Variants in LRRC4C observed in about 807,000 individuals in gnomAD.
LRRC4C encodes leucine rich repeat containing 4C.
Under a neutral mutation model 33.6 loss-of-function variants are expected in LRRC4C, and 5 were observed. That is an observed-to-expected ratio of 0.15 (90% confidence interval 0.08 to 0.31). LRRC4C has a LOEUF of 0.31. LRRC4C is among the 10% of genes least tolerant of loss of function. The pLI, the probability that LRRC4C is intolerant of heterozygous loss-of-function variation, is 1.00. For missense variants in LRRC4C, 560 were observed against 796.7 expected (o/e 0.70, Z 3.58); for synonymous variants, 329 against 302.0 (o/e 1.09, Z -0.93).
intron 1 of LRRC4C, among the ~76,000 whole-genome samples, chr11:41,383,908 A>T (rs555977842): frequency 6.6e-6 from 1 of 152,102 alleles, no homozygotes; most frequent in African/African-American, 2.4e-5. Context: ...CACCAGGAAA[A>T]TATTAACCAA....
At chr11:40,844,882 T>A (rs1378418111) in intron 2 of LRRC4C, among the ~76,000 whole-genome samples, 1 of 152,172 alleles carries the variant, frequency 6.6e-6, no homozygotes, top group Admixed American at 6.6e-5. Context: ...GGATATGTGA[T>A]AATGTATGTG....
intron 1 of LRRC4C, among the ~76,000 whole-genome samples, chr11:41,442,509 G>A (rs1486332594): frequency 9.3e-6 from 1 of 107,118 alleles, no homozygotes; most frequent in Non-Finnish European, 1.7e-5. Flanking sequence ...TTGCTCTGTC[G>A]CCCAGGCTGG....
intron 3 of LRRC4C, among the ~76,000 whole-genome samples, chr11:40,631,218 G>A (rs190516127): frequency 2.0e-5 from 3 of 152,206 alleles, no homozygotes; most frequent in East Asian, 1.9e-4. Context: ...CTCTTATCAC[G>A]GTTAAAAATG....
At chr11:41,266,003 C>A (rs956475341) in intron 1 of LRRC4C, among the ~76,000 whole-genome samples, 4 of 151,912 alleles carry the variant, frequency 2.6e-5, no homozygotes, top group Non-Finnish European at 5.9e-5. Context: ...TTAGTTATAT[C>A]ACATGGTAGC....
At chr11:41,210,354 T>G (rs571669094) in intron 1 of LRRC4C, among the ~76,000 whole-genome samples, 1 of 152,132 alleles carries the variant, frequency 6.6e-6, no homozygotes, top group South Asian at 2.1e-4. Flanking sequence ...CTTGAATAAG[T>G]CTCGCGAGAT....
chr11:41,311,939 C>T (rs79360431), intron 1 of LRRC4C, among the ~76,000 whole-genome samples: 2,234 of 152,230 alleles, frequency 0.015, 57 homozygotes, highest in African/African-American at 0.05. Flanking sequence ...TATTATCCCA[C>T]ATCATCATTA....
At chr11:40,260,403 G>A (rs1867608997) in intron 4 of LRRC4C, among the ~76,000 whole-genome samples, 1 of 146,494 alleles carries the variant, frequency 6.8e-6, no homozygotes, top group African/African-American at 2.5e-5. Flanking sequence ...GGAGACTGTT[G>A]TGGGTTAGGG....
chr11:40,374,220 T>C (rs1426828760), intron 3 of LRRC4C, among the ~76,000 whole-genome samples: 1 of 152,166 alleles, frequency 6.6e-6, no homozygotes, highest in Non-Finnish European at 1.5e-5. Context: ...AGTTGCTAAA[T>C]AGATGTTTGT....
At chr11:40,527,908 C>A (rs1453156406) in intron 3 of LRRC4C, among the ~76,000 whole-genome samples, 1 of 152,038 alleles carries the variant, frequency 6.6e-6, no homozygotes, top group African/African-American at 2.4e-5. Flanking sequence ...ACCATGATGC[C>A]TGGCTAATTT....
intron 3 of LRRC4C, among the ~76,000 whole-genome samples, chr11:40,367,149 T>C (rs1948245413): frequency 6.6e-6 from 1 of 152,130 alleles, no homozygotes. Context: ...TGCCATTGCA[T>C]TTCCAGTGCT....
chr11:40,124,391 T>C (rs1412177410), intron 6 of LRRC4C, among the ~76,000 whole-genome samples: 1 of 152,178 alleles, frequency 6.6e-6, no homozygotes, highest in African/African-American at 2.4e-5. Flanking sequence ...ATATCAAAGA[T>C]TTGGAAGCAA....
intron 3 of LRRC4C, among the ~76,000 whole-genome samples, chr11:40,360,766 C>T (rs1236301136): frequency 3.9e-5 from 6 of 151,980 alleles, no homozygotes; most frequent in South Asian, 4.2e-4. Context: ...AGCATCATCC[C>T]GATATCAAAA....
intron 2 of LRRC4C, among the ~76,000 whole-genome samples, chr11:40,774,917 A>T (rs1228167030): frequency 2.0e-5 from 3 of 152,144 alleles, no homozygotes; most frequent in African/African-American, 7.2e-5. Flanking sequence ...AAGTGCACAA[A>T]TAATTATCTG....
intron 1 of LRRC4C, among the ~76,000 whole-genome samples, chr11:40,987,681 T>TA (rs1565274758): frequency 4.0e-5 from 3 of 74,670 alleles, no homozygotes; most frequent in Non-Finnish European, 7.8e-5. Flanking sequence ...AAATGATATA[T>TA]ATATATATAT....
At chr11:40,369,413 C>G (rs958547517) in intron 3 of LRRC4C, among the ~76,000 whole-genome samples, 17 of 152,064 alleles carry the variant, frequency 1.1e-4, no homozygotes, top group Non-Finnish European at 2.5e-4. Context: ...GGCGCGATCT[C>G]GGAATCACCG....
chr11:40,161,458 T>C (rs1267662270), intron 5 of LRRC4C, among the ~76,000 whole-genome samples: 1 of 152,206 alleles, frequency 6.6e-6, no homozygotes, highest in Non-Finnish European at 1.5e-5. Context: ...AGGAGTTATT[T>C]GAAAATTAGA....
At chr11:40,599,923 G>A (rs578090980) in intron 3 of LRRC4C, among the ~76,000 whole-genome samples, 1 of 152,278 alleles carries the variant, frequency 6.6e-6, no homozygotes, top group South Asian at 2.1e-4. Context: ...AATGTTAAGT[G>A]ATTAGAGTAT....
intron 5 of LRRC4C, among the ~76,000 whole-genome samples, chr11:40,197,593 G>A (rs1369335685): frequency 6.6e-6 from 1 of 152,114 alleles, no homozygotes; most frequent in African/African-American, 2.4e-5. Flanking sequence ...AATTCATGCT[G>A]TTCCACCATA....
chr11:41,297,412 A>G (rs961337728), intron 1 of LRRC4C, among the ~76,000 whole-genome samples: 3 of 152,170 alleles, frequency 2.0e-5, no homozygotes, highest in Admixed American at 2.0e-4. Flanking sequence ...ATGTGTTTAG[A>G]AGTATTCTCT....
Sources: allele counts gnomAD v4.1 joint callset (sites outside exome capture counted in the v4.1 genomes callset), GRCh38; gene constraint gnomAD v4.1.1; transcripts MANE v1.5; gene names NCBI Gene and HGNC (gene_info 2026-07-23, HGNC 2026-07-21).